The following SYNE3 variants were observed in gnomAD, a reference collection of about 807,000 sequenced individuals.
The protein encoded by SYNE3 is spectrin repeat containing nuclear envelope family member 3.
Under a neutral mutation model 111.2 loss-of-function variants are expected in SYNE3, and 100 were observed. That is an observed-to-expected ratio of 0.90 (90% CI 0.77 to 1.06). The LOEUF (loss-of-function observed/expected upper bound fraction) is 1.06, where lower values mean the gene tolerates loss of function less well. Ranked by LOEUF, SYNE3 falls within the 50% of genes least tolerant of loss-of-function variation. The pLI is 0.00. For missense variants in SYNE3, 1,160 were observed against 1,240.3 expected, an observed-to-expected ratio of 0.94 and a Z score of 0.97; for synonymous variants, 547 against 533.9, an observed-to-expected ratio of 1.02 and a Z score of -0.34.
In SYNE3 at chr14:95,457,430, G is replaced by C. The variant is rs1238191792; in HGVS notation, c.628-92C>G. 2.1e-6 allele frequency: 3 copies of C among 1,417,254 alleles called. No individual in the cohort carries two copies. In the African/African-American group the frequency reaches 6.0e-5, roughly 28 times the overall value. 87.8% of individuals were successfully genotyped at this position (1,417,254 alleles called of 1,614,324 possible). On this transcript the variant is annotated intron_variant, in intron 4 of 17. Coordinates refer to ENST00000682763, the MANE Select transcript of SYNE3 (RefSeq NM_152592.6). ...CCGTAGCCTGCCTGGGTGTGTGTGT[G>C]TGTGTGTGTGTGTGTTAGCAGGGGG...
intron 1 of SYNE3, among the ~76,000 whole-genome samples, chr14:95,479,357 T>C (rs1889091136): frequency 6.6e-6 from 1 of 151,648 alleles, no homozygotes; most frequent in African/African-American, 2.4e-5. Flanking sequence ...ATTCTGTCTC[T>C]AAAATAAATA....
chr14:95,433,219 C>T, intron 16 of SYNE3, 41 bp downstream of exon 16: 3 of 1,603,868 alleles, frequency 1.9e-6, no homozygotes, highest in Non-Finnish European at 2.6e-6. Context: ...AGCTATAGTC[C>T]TGTCCCTGGA....
intron 4 of SYNE3, among the ~76,000 whole-genome samples, chr14:95,462,783 C>G (rs1452905910): frequency 6.6e-6 from 1 of 152,232 alleles, no homozygotes; most frequent in Non-Finnish European, 1.5e-5. Flanking sequence ...GCAGGGAGCG[C>G]CACCTTAGAA....
chr14:95,505,836 G>A (rs538674946), intron 1 of SYNE3, among the ~76,000 whole-genome samples: 12 of 152,210 alleles, frequency 7.9e-5, no homozygotes, highest in Non-Finnish European at 1.2e-4. Context: ...GAGACAGAGA[G>A]AGGCTAGTGT....
chr14:95,462,978 A>G (rs1887933298), intron 4 of SYNE3, among the ~76,000 whole-genome samples: 1 of 152,170 alleles, frequency 6.6e-6, no homozygotes, highest in African/African-American at 2.4e-5. Flanking sequence ...CAACATGGAG[A>G]GACCCCATCT....
At chr14:95,441,771 C>T (rs1031492788) in intron 11 of SYNE3, among the ~76,000 whole-genome samples, 1 of 152,192 alleles carries the variant, frequency 6.6e-6, no homozygotes, top group Non-Finnish European at 1.5e-5. Flanking sequence ...TGAATTCAAC[C>T]AGACATTAAT....
At chr14:95,479,762 T>G (rs1889115739) in intron 1 of SYNE3, among the ~76,000 whole-genome samples, 1 of 152,092 alleles carries the variant, frequency 6.6e-6, no homozygotes, top group African/African-American at 2.4e-5. Flanking sequence ...AAAGGAGTGG[T>G]TGTCACCTGG....
chr14:95,445,171 G>A (rs1395887812), intron 9 of SYNE3, among the ~76,000 whole-genome samples: 1 of 152,172 alleles, frequency 6.6e-6, no homozygotes, highest in Non-Finnish European at 1.5e-5. Context: ...CATCCCCCCA[G>A]CTCCTAGAAC....
chr14:95,432,477 C>T (rs897691179), intron 16 of SYNE3, among the ~76,000 whole-genome samples: 2 of 152,238 alleles, frequency 1.3e-5, no homozygotes, highest in Admixed American at 6.5e-5. Context: ...CCCTTAAGGG[C>T]CAGCTCACCA....
chr14:95,408,443 A>C lies in SYNE3; in HGVS notation c.*9383T>G, dbSNP rs903856635. On this transcript the variant is annotated 3_prime_UTR_variant, in exon 18 of 18. Coordinates refer to ENST00000682763, the MANE Select transcript of SYNE3 (RefSeq NM_152592.6). ...ATCGTGTCTAAACCAGCCCAAGGAA[A>C]TTCCCAGATGACACAGATCTAAGGG... The C allele has an allele frequency of 7.9e-5, 12 of 152,266 alleles. No homozygotes were observed. Among genetic ancestry groups the C allele is most frequent in the Non-Finnish European group, 1.5e-4 (10 of 68,094 alleles). 9.4% of individuals were successfully genotyped at this position (152,266 alleles called of 1,614,324 possible).
chr14:95,492,114 G>A (rs1889880313), intron 1 of SYNE3, among the ~76,000 whole-genome samples: 1 of 152,188 alleles, frequency 6.6e-6, no homozygotes, highest in Non-Finnish European at 1.5e-5. Context: ...ATAATCAAAG[G>A]AAGATAATAA....
intron 1 of SYNE3, among the ~76,000 whole-genome samples, chr14:95,494,941 G>A (rs767381182): frequency 2.0e-5 from 3 of 151,990 alleles, no homozygotes; most frequent in African/African-American, 4.8e-5. Flanking sequence ...GTGAAACCCC[G>A]TCTCTACTAA....
chr14:95,408,257 TG>T lies in SYNE3; in HGVS notation c.*9568del, dbSNP rs1480743257. On this transcript the variant is annotated 3_prime_UTR_variant, in exon 18 of 18. Transcript: ENST00000682763. ...GGCTCTGGTCTTTCGGACTTGAAAT[TG>T]GAGGGAAAACGTAATCGTTCCTCCA... 2.9e-5 allele frequency: 1 copy of T among 34,258 alleles called. No homozygotes were observed. Among genetic ancestry groups the T allele is most frequent in the Non-Finnish European group, 9.7e-5 (1 of 10,276 alleles). 2.1% of individuals were successfully genotyped at this position (34,258 alleles called of 1,614,324 possible).
chr14:95,423,178 G>A (rs1885230298), intron 17 of SYNE3, among the ~76,000 whole-genome samples: 1 of 152,190 alleles, frequency 6.6e-6, no homozygotes, highest in African/African-American at 2.4e-5. Flanking sequence ...TTTTGGAGAG[G>A]GAGAGGGATG....
intron 17 of SYNE3, among the ~76,000 whole-genome samples, chr14:95,425,748 C>T (rs948433556): frequency 6.6e-6 from 1 of 152,150 alleles, no homozygotes; most frequent in Non-Finnish European, 1.5e-5. Flanking sequence ...TTTCTATAAA[C>T]CGAAAGCTGC....
At chr14:95,446,172 G>T in intron 8 of SYNE3, 81 bp from the exon 9 acceptor site, 1 of 1,511,384 alleles carries the variant, frequency 6.6e-7, no homozygotes, top group Non-Finnish European at 9.0e-7. Flanking sequence ...AACTGTTCTG[G>T]CTGCAACTGC....
chr14:95,450,217 G>T, intron 7 of SYNE3, 112 bp from the exon 8 acceptor site: 1 of 1,306,572 alleles, frequency 7.7e-7, no homozygotes, highest in Non-Finnish European at 1.0e-6. Flanking sequence ...CTCCCAGGGT[G>T]GGCCTTCTCC....
intron 17 of SYNE3, 35 bp from the exon 18 acceptor site, chr14:95,418,061 G>C: frequency 6.2e-7 from 1 of 1,600,310 alleles, no homozygotes. Flanking sequence ...GAGTGGGCTG[G>C]GGGGCTCTGG....
chr14:95,432,998 C>T (rs1338839347), intron 16 of SYNE3, among the ~76,000 whole-genome samples: 1 of 152,162 alleles, frequency 6.6e-6, no homozygotes, highest in East Asian at 1.9e-4. Context: ...AGATAGGAAG[C>T]ACTCCTTACA....
Sources: allele counts gnomAD v4.1 joint callset (sites outside exome capture counted in the v4.1 genomes callset), GRCh38; gene constraint gnomAD v4.1.1; transcripts MANE v1.5; gene names NCBI Gene and HGNC (gene_info 2026-07-23, HGNC 2026-07-21).